The following VCL variants were observed in gnomAD, a reference collection of about 807,000 sequenced individuals.
VCL encodes the protein epididymis luminal protein 114.
VCL carries 47 observed loss-of-function variants against 125.7 expected under a neutral mutation model. That is an observed-to-expected ratio of 0.37 (90% CI 0.30 to 0.48). The LOEUF is 0.48. Among genes scored for constraint, VCL ranks in the 20% least tolerant of loss-of-function variants. The pLI is 0.99. For synonymous variants in VCL, 458 were observed against 514.6 expected, an observed-to-expected ratio of 0.89 and a Z score of 1.49; for missense variants, 1,069 against 1,455.5, an observed-to-expected ratio of 0.73 and a Z score of 4.32.
rs71579378 is a variant in VCL, at chr10:74,114,162, C to G, written c.2950-22C>G. 17,446 of 1,612,196 alleles carry G rather than the reference C, an allele frequency of 0.011. 108 individuals carry two copies. The highest frequency in any genetic ancestry group is 0.013 in the Non-Finnish European group (15,587 of 1,179,792). On this transcript the variant is annotated intron_variant, in intron 19 of 21. Coordinates refer to ENST00000211998, the MANE Select transcript of VCL (RefSeq NM_014000.3). The stretch of plus-strand genomic sequence containing the variant: ...GGCCAGAGCGTGGGCAGAGCTCACA[C>G]TGTATCTTTGCTTCCCTCTAGGGCA...
At chr10:74,104,967 A>C in intron 15 of VCL, 84 bp from the exon 16 acceptor site, 1 of 1,456,708 alleles carries the variant, frequency 6.9e-7, no homozygotes, top group South Asian at 1.2e-5. Context: ...ATACTTTCTC[A>C]TGAGAAGTTT....
rs764369922 is a variant in VCL, at chr10:74,105,322, A to G, written c.2403A>G (p.Ala801=). ...SKTISPMVMD[A]KAVAGNISDP... Reference sequence around the variant, plus strand: ...CCATCTCCCCGATGGTGATGGATGCAAAAGCTGTGGCTGGAAACATTTCCG... The same window carrying G: ...CCATCTCCCCGATGGTGATGGATGCGAAAGCTGTGGCTGGAAACATTTCCG... The change falls in exon 16 of 22, where the codon GCA becomes GCG. Residue 801 remains alanine, a synonymous_variant. Coordinates refer to ENST00000211998, the MANE Select transcript of VCL (RefSeq NM_014000.3). The G allele has an allele frequency of 1.9e-6, 3 of 1,612,482 alleles. No individual in the cohort carries two copies. In the South Asian group the frequency reaches 3.3e-5, roughly 18 times the overall value.
intron 2 of VCL, among the ~76,000 whole-genome samples, chr10:74,043,388 C>T (rs564571105): frequency 1.3e-5 from 2 of 151,916 alleles, no homozygotes; most frequent in African/African-American, 4.8e-5. Flanking sequence ...CCCTCGTCAC[C>T]CAGTTTGGAG....
At chr10:74,032,752 C>T (rs1840905380) in intron 1 of VCL, among the ~76,000 whole-genome samples, 2 of 150,450 alleles carry the variant, frequency 1.3e-5, no homozygotes, top group African/African-American at 2.4e-5. Context: ...TCTGAATAGA[C>T]ATTTCTCAAA....
chr10:74,019,262 G>A (rs971269008), intron 1 of VCL, among the ~76,000 whole-genome samples: 3 of 152,142 alleles, frequency 2.0e-5, no homozygotes, highest in Non-Finnish European at 4.4e-5. Context: ...TTTACTTTAA[G>A]TTCTGGGATA....
intron 1 of VCL, among the ~76,000 whole-genome samples, chr10:74,004,951 C>T: frequency 6.6e-6 from 1 of 152,082 alleles, no homozygotes. Context: ...GCCATCCACC[C>T]TCCTCGGCCT....
intron 1 of VCL, among the ~76,000 whole-genome samples, chr10:74,012,596 C>T (rs1423499230): frequency 6.6e-6 from 1 of 151,988 alleles, no homozygotes; most frequent in South Asian, 2.1e-4. Context: ...GTGGTAGGGA[C>T]GTGGGGGAAG....
At chr10:74,054,438 T>C (rs534196548) in intron 2 of VCL, among the ~76,000 whole-genome samples, 10 of 152,246 alleles carry the variant, frequency 6.6e-5, no homozygotes, top group Non-Finnish European at 1.3e-4. Flanking sequence ...TTCTCCAGAC[T>C]GTGTTCTTCT....
chr10:74,097,225 G>A lies in VCL; in HGVS notation c.1765G>A (p.Glu589Lys), dbSNP rs187247459. The change falls in exon 13 of 22, where the codon GAG becomes AAG. Residue 589 changes from glutamate (E) to lysine (K), a missense_variant. Glu to Lys is a moderately conservative substitution (Grantham distance 56). This residue lies in a region of VCL where 760 missense variants were observed against 928.9 expected (regional missense o/e 0.82). Transcript: ENST00000211998. This position sits in a 1 kb window ranked among gnomAD's most constrained non-coding sequence, Gnocchi z 4.1. ...SLKDLKARMQ[E>K]AMTQEVSDVF... ...TAAGGATCTAAAAGCTCGGATGCAGGAGGCCATGACTCAGGAAGTGTCAGA... is the reference window on the plus strand; with the variant it reads ...TAAGGATCTAAAAGCTCGGATGCAGAAGGCCATGACTCAGGAAGTGTCAGA... 1 of 1,614,080 alleles carries A rather than the reference G, an allele frequency of 6.2e-7. No individual in the cohort carries two copies. The highest frequency in any genetic ancestry group is 1.3e-5 in the African/African-American group (1 of 75,050).
At chr10:74,002,101 G>A (rs959022381) in intron 1 of VCL, among the ~76,000 whole-genome samples, 1 of 152,148 alleles carries the variant, frequency 6.6e-6, no homozygotes, top group Admixed American at 6.5e-5. Flanking sequence ...TGTGATGCCT[G>A]TCACAATCAG....
At chr10:74,024,681 A>G (rs1174882683) in intron 1 of VCL, among the ~76,000 whole-genome samples, 1 of 152,168 alleles carries the variant, frequency 6.6e-6, no homozygotes, top group African/African-American at 2.4e-5. Context: ...AATTTAAAAA[A>G]TGGGGGGTCT....
chr10:74,107,496 G>A (rs1259169981), intron 17 of VCL, 142 bp downstream of exon 17: 11 of 1,388,816 alleles, frequency 7.9e-6, no homozygotes, highest in Non-Finnish European at 9.9e-6. Flanking sequence ...GGCAGATCTC[G>A]ATTTTCATTC....
intron 18 of VCL, among the ~76,000 whole-genome samples, chr10:74,111,296 T>C (rs747351798): frequency 6.6e-5 from 10 of 152,196 alleles, no homozygotes; most frequent in Non-Finnish European, 1.2e-4. Context: ...TCCTGCCTCT[T>C]TCCTAGTTTG....
intron 1 of VCL, among the ~76,000 whole-genome samples, chr10:74,009,216 TCCC>T: frequency 2.0e-5 from 1 of 49,554 alleles, no homozygotes; most frequent in African/African-American, 9.7e-5. Flanking sequence ...GCTGCTGCTT[TCCC>T]CCCCCCCCCC....
intron 2 of VCL, among the ~76,000 whole-genome samples, chr10:74,069,238 C>A (rs191401179): frequency 6.6e-6 from 1 of 152,022 alleles, no homozygotes; most frequent in Non-Finnish European, 1.5e-5. Context: ...CGGGCTTTCA[C>A]TATGTTGGCC....
chr10:74,097,789 A>T lies in VCL; in HGVS notation c.1872+457A>T, dbSNP rs926185928. Among the ~76,000 whole-genome samples the T allele has an allele frequency of 2.6e-5, 4 of 152,176 alleles. No individual in the cohort carries two copies. The highest frequency in any genetic ancestry group is 9.7e-5 in the African/African-American group (4 of 41,418). Reference sequence around the variant, plus strand: ...TGATCTTTTTAAATCAATCGATGTCATTCTTATACTCAGACCCTTCCAATG... The same window carrying T: ...TGATCTTTTTAAATCAATCGATGTCTTTCTTATACTCAGACCCTTCCAATG... On this transcript the variant is annotated intron_variant, in intron 13 of 21. Transcript: ENST00000211998. This position sits in a 1 kb window ranked among gnomAD's most constrained non-coding sequence, Gnocchi z 4.1.
At chr10:74,100,915 A>G in intron 13 of VCL, 33 bp from the exon 14 acceptor site, 3 of 1,613,244 alleles carry the variant, frequency 1.9e-6, no homozygotes, top group East Asian at 4.5e-5. Flanking sequence ...TTTTATTGAA[A>G]TAAATGTTCT....
chr10:74,107,408 CAA>C, intron 17 of VCL, 54 bp downstream of exon 17: 1 of 1,613,582 alleles, frequency 6.2e-7, no homozygotes, highest in African/African-American at 1.3e-5. Flanking sequence ...GAGACTTCAG[CAA>C]GAGAGAGGTA....
chr10:74,071,037 G>A lies in VCL; in HGVS notation c.453G>A (p.Val151=), dbSNP rs766271456. ...ILEYLTVAEV[V]ETMEDLVTYT... ...AATATCTTACAGTGGCAGAGGTGGT[G>A]GAGACTATGGAAGATTTGGTCACTT... The change falls in exon 4 of 22, where the codon GTG becomes GTA. Residue 151 remains valine, a synonymous_variant. Coordinates refer to ENST00000211998, the MANE Select transcript of VCL (RefSeq NM_014000.3). The surrounding 1 kb of genome is among the most constrained non-coding windows in gnomAD (Gnocchi z 4.1). 1.9e-6 allele frequency: 3 copies of A among 1,614,140 alleles called. No individual in the cohort carries two copies. The highest frequency in any genetic ancestry group is 4.5e-5 in the East Asian group (2 of 44,870).
Sources: gnomAD v4.1 joint callset for allele counts (sites outside exome capture counted in the v4.1 genomes callset) on GRCh38, gnomAD v4.1.1 for gene constraint, gnomAD v4.1.1 regional missense constraint, Gnocchi (gnomAD v3.1) non-coding constraint, MANE v1.5 for transcripts, NCBI Gene and HGNC (gene_info 2026-07-23, HGNC 2026-07-21) for gene names.